Variants in STPG2 observed in about 807,000 individuals in gnomAD.
STPG2 encodes the protein sperm-tail PG-rich repeat-containing protein 2.
STPG2 carries 56 observed loss-of-function variants against 54.2 expected under a neutral mutation model. The observed-to-expected ratio is 1.03, with a 90% CI of 0.83 to 1.29. The LOEUF is 1.29. STPG2 is among the 50% of genes most tolerant of loss of function. The probability of loss-of-function intolerance (pLI) is 0.00; values close to 1 mark genes in which losing one functional copy is unlikely to be tolerated. For synonymous variants in STPG2, 200 were observed against 181.8 expected (o/e 1.10, Z -0.81); for missense variants, 596 against 544.9 (o/e 1.09, Z -0.93).
chr4:97,702,473 G>A (rs1033543589), intron 10 of STPG2, among the ~76,000 whole-genome samples: 1 of 152,126 alleles, frequency 6.6e-6, no homozygotes, highest in African/African-American at 2.4e-5. Flanking sequence ...GACCCACTGG[G>A]ACTTTAATCT....
chr4:97,695,264 T>C (rs1057215608), intron 10 of STPG2, among the ~76,000 whole-genome samples: 1 of 152,050 alleles, frequency 6.6e-6, no homozygotes, highest in African/African-American at 2.4e-5. Flanking sequence ...TCTCAATAGA[T>C]ACAGAAAATC....
chr4:97,735,738 G>A (rs1023479093), intron 9 of STPG2, among the ~76,000 whole-genome samples: 27 of 151,224 alleles, frequency 1.8e-4, no homozygotes, highest in African/African-American at 4.6e-4. Context: ...ATAGGGATAC[G>A]TGTATATCCT....
intron 9 of STPG2, among the ~76,000 whole-genome samples, chr4:97,785,313 A>G (rs771111567): frequency 6.6e-6 from 1 of 152,044 alleles, no homozygotes; most frequent in Non-Finnish European, 1.5e-5. Flanking sequence ...ATTTTAATAT[A>G]TTATAAAGAT....
chr4:97,490,938 T>C (rs759048479), intron 4 of STPG2, among the ~76,000 whole-genome samples: 8 of 151,660 alleles, frequency 5.3e-5, no homozygotes, highest in Non-Finnish European at 8.9e-5. Context: ...ATAAGGAATT[T>C]AGTTAATATG....
At chr4:98,014,777 T>C (rs1011196557) in intron 5 of STPG2, among the ~76,000 whole-genome samples, 88 of 152,204 alleles carry the variant, frequency 5.8e-4, no homozygotes, top group African/African-American at 2.1e-3. Context: ...CTCTAGTGTT[T>C]CTTGTAAGTC....
chr4:98,035,640 T>C (rs1402519905), intron 5 of STPG2, among the ~76,000 whole-genome samples: 1 of 152,170 alleles, frequency 6.6e-6, no homozygotes, highest in African/African-American at 2.4e-5. Flanking sequence ...TAAAGACACA[T>C]GCACACATAT....
intron 5 of STPG2, among the ~76,000 whole-genome samples, chr4:97,989,590 A>T (rs934822557): frequency 1.3e-5 from 2 of 152,190 alleles, no homozygotes; most frequent in Non-Finnish European, 2.9e-5. Context: ...GATCTTAGCA[A>T]CCTCAACATA....
At chr4:97,538,442 G>T (rs928603074) in intron 4 of STPG2, among the ~76,000 whole-genome samples, 1 of 152,172 alleles carries the variant, frequency 6.6e-6, no homozygotes, top group African/African-American at 2.4e-5. Flanking sequence ...AAGGATATCA[G>T]GGATCGAAGA....
intron 8 of STPG2, among the ~76,000 whole-genome samples, chr4:97,942,653 CAG>C (rs1733033951): frequency 6.6e-6 from 1 of 152,052 alleles, no homozygotes. Context: ...CCAAGACATT[CAG>C]AGTTATATTA....
intron 10 of STPG2, among the ~76,000 whole-genome samples, chr4:97,626,271 A>G (rs965333962): frequency 3.9e-5 from 6 of 152,186 alleles, no homozygotes; most frequent in Non-Finnish European, 8.8e-5. Context: ...ATATTGATTT[A>G]CTTGCAGTCC....
At chr4:97,465,395 T>C (rs1292212515) in intron 4 of STPG2, among the ~76,000 whole-genome samples, 1 of 152,186 alleles carries the variant, frequency 6.6e-6, no homozygotes, top group African/African-American at 2.4e-5. Context: ...TCAAGCTCTT[T>C]ATATATTAGA....
intron 5 of STPG2, among the ~76,000 whole-genome samples, chr4:98,002,382 T>C (rs1268071595): frequency 3.3e-5 from 5 of 152,244 alleles, no homozygotes; most frequent in African/African-American, 4.8e-5. Flanking sequence ...CTTCCTATTA[T>C]ATTCACAAGT....
intron 9 of STPG2, among the ~76,000 whole-genome samples, chr4:97,797,528 G>A (rs918080283): frequency 6.6e-6 from 1 of 152,168 alleles, no homozygotes; most frequent in Non-Finnish European, 1.5e-5. Flanking sequence ...TTGCATCCCA[G>A]GGATGAAGCC....
At chr4:97,504,307 C>A (rs1227398150) in intron 4 of STPG2, among the ~76,000 whole-genome samples, 1 of 150,406 alleles carries the variant, frequency 6.6e-6, no homozygotes, top group Non-Finnish European at 1.5e-5. Context: ...AATAGTAATT[C>A]TTTTAAAGTT....
At chr4:97,802,607 A>T (rs1000672945) in intron 9 of STPG2, among the ~76,000 whole-genome samples, 9 of 151,982 alleles carry the variant, frequency 5.9e-5, no homozygotes, top group Admixed American at 5.9e-4. Context: ...AATAGCAGGG[A>T]TTACTGGCAC....
intron 7 of STPG2, among the ~76,000 whole-genome samples, chr4:97,965,242 T>A (rs115724362): frequency 2.6e-5 from 4 of 152,166 alleles, no homozygotes; most frequent in African/African-American, 9.7e-5. Context: ...TCACTGCTAG[T>A]GCAGAAATCT....
At chr4:98,099,713 T>C (rs889348105) in intron 5 of STPG2, among the ~76,000 whole-genome samples, 2 of 152,148 alleles carry the variant, frequency 1.3e-5, no homozygotes, top group African/African-American at 4.8e-5. Flanking sequence ...CATGCCTGTA[T>C]CAAAACATCT....
intron 9 of STPG2, among the ~76,000 whole-genome samples, chr4:97,752,651 C>T (rs1172347847): frequency 1.3e-5 from 2 of 151,772 alleles, no homozygotes; most frequent in African/African-American, 4.8e-5. Flanking sequence ...TAATCCCATA[C>T]CACTTTACAT....
At chr4:98,055,193 C>G (rs1737443404) in intron 5 of STPG2, among the ~76,000 whole-genome samples, 1 of 152,046 alleles carries the variant, frequency 6.6e-6, no homozygotes, top group Non-Finnish European at 1.5e-5. Context: ...CATAATGCAA[C>G]AAGAAAATGT....
Sources: gnomAD v4.1 joint callset for allele counts (sites outside exome capture counted in the v4.1 genomes callset) on GRCh38, gnomAD v4.1.1 for gene constraint, MANE v1.5 for transcripts, NCBI Gene and HGNC (gene_info 2026-07-23, HGNC 2026-07-21) for gene names.